LGI1: variants seen among roughly 807,000 people sequenced by gnomAD.
LGI1 encodes leucine-rich glioma-inactivated protein 1.
LGI1 carries 11 observed loss-of-function variants against 57.7 expected under a neutral mutation model. The ratio of observed to expected loss-of-function variants is 0.19; its 90% CI spans 0.12 to 0.32. The LOEUF (loss-of-function observed/expected upper bound fraction) is 0.32. Among genes scored for constraint, LGI1 ranks in the 10% least tolerant of loss-of-function variants. The pLI is 1.00. For missense variants in LGI1, 422 were observed against 661.9 expected (o/e 0.64, Z 3.98); for synonymous variants, 222 against 241.9 (o/e 0.92, Z 0.76).
chr10:93,766,323 A>G (rs543521334), intron 2 of LGI1, among the ~76,000 whole-genome samples: 1 of 152,292 alleles, frequency 6.6e-6, no homozygotes, highest in South Asian at 2.1e-4. Context: ...TATACATACA[A>G]ATAACTCTTG....
chr10:93,777,319 G>T (rs1287042187), intron 2 of LGI1, 60 bp from the exon 3 acceptor site: 2 of 1,471,196 alleles, frequency 1.4e-6, no homozygotes, highest in Non-Finnish European at 1.9e-6. Context: ...AGAGATAAAA[G>T]CAGCCAAGAT....
intron 5 of LGI1, chr10:93,792,457 G>T (rs537414219): frequency 5.4e-5 from 18 of 334,604 alleles, no homozygotes; most frequent in Middle Eastern, 8.4e-4. Context: ...TTACAATTAC[G>T]GTTCATATAC....
intron 5 of LGI1, chr10:93,790,833 T>C (rs2059931790): frequency 6.6e-6 from 1 of 152,456 alleles, no homozygotes; most frequent in Non-Finnish European, 1.5e-5. Flanking sequence ...GCAAGTAATA[T>C]ATGCCTAAAC....
chr10:93,761,980 A>G (rs562282219), intron 2 of LGI1, among the ~76,000 whole-genome samples: 1 of 152,354 alleles, frequency 6.6e-6, no homozygotes, highest in Non-Finnish European at 1.5e-5. Flanking sequence ...TCTCAACTAC[A>G]GACTGAAGTC....
chr10:93,797,459 G>A lies in LGI1; in HGVS notation c.1330G>A (p.Val444Met), dbSNP rs772468388. ...GAAGCACTTCTCAGTGAAAGGGGACGTGTACATTTGCTTGACAAGATTCAT... is the reference window on the plus strand; with the variant it reads ...GAAGCACTTCTCAGTGAAAGGGGACATGTACATTTGCTTGACAAGATTCAT... ...AVKHFSVKGD[V>M]YICLTRFIGD... The change falls in exon 8 of 8, where the codon GTG becomes ATG. Residue 444 changes from valine to methionine, a missense_variant. This residue lies in a region of LGI1 where 301 missense variants were observed against 461.7 expected (regional missense o/e 0.65). Coordinates refer to ENST00000371418, the MANE Select transcript of LGI1 (RefSeq NM_005097.4). The surrounding 1 kb of genome is among the most constrained non-coding windows in gnomAD (Gnocchi z 6.5). 11 of 1,614,090 alleles carry A rather than the reference G, an allele frequency of 6.8e-6. No individual in the cohort carries two copies. Among genetic ancestry groups the A allele is most frequent in the Middle Eastern group, 1.6e-4 (1 of 6,082 alleles).
rs1491174507 is a variant in LGI1, at chr10:93,794,363, T to TC, written c.838+1013_838+1014insC. ...AAACTTTTACTTATCTGGATCTCTC[T>TC]TTTTTTTTTTTTTTTTTTGAGATGG... On this transcript the variant is annotated intron_variant, in intron 7 of 7. Transcript: ENST00000371418. Among the ~76,000 whole-genome samples, 10 of 11,998 alleles carry TC rather than the reference T, an allele frequency of 8.3e-4. No individual in the cohort carries two copies. In the East Asian group the frequency reaches 0.029, roughly 35 times the overall value. 7.9% of individuals were successfully genotyped at this position (11,998 alleles called of 152,430 possible).
intron 5 of LGI1, 180 bp downstream of exon 5, chr10:93,790,350 T>C (rs1288011218): frequency 8.3e-6 from 5 of 601,948 alleles, no homozygotes; most frequent in African/African-American, 7.4e-5. Flanking sequence ...TCTTCTATGG[T>C]ATTTATCATT....
At chr10:93,782,439 C>T (rs1411927351) in intron 4 of LGI1, among the ~76,000 whole-genome samples, 1 of 152,216 alleles carries the variant, frequency 6.6e-6, no homozygotes, top group Non-Finnish European at 1.5e-5. Context: ...GTGCTTAGAA[C>T]AGGGCCTGGT....
At position 93,758,474 on chromosome 10, in the gene LGI1, G is replaced by C; in HGVS notation, c.215+115G>C. The C allele has an allele frequency of 9.1e-7, 1 of 1,099,990 alleles. No homozygotes were observed. The highest frequency in any genetic ancestry group is 1.4e-6 in the Non-Finnish European group (1 of 726,942). The allele number at this position is 1,099,990 out of a possible 1,614,324, so 68.1% of individuals were successfully genotyped here. A position where few individuals can be genotyped will look rare whatever the true frequency, so the allele number is the denominator to read the frequency against. Reference sequence around the variant, plus strand: ...ATGGAGAGAGAGATTCCTCTTGCATGCTTGGCCATTTGACAGTGCTAACAT... The same window carrying C: ...ATGGAGAGAGAGATTCCTCTTGCATCCTTGGCCATTTGACAGTGCTAACAT... On this transcript the variant is annotated intron_variant, in intron 1 of 7. Coordinates refer to ENST00000371418, the MANE Select transcript of LGI1 (RefSeq NM_005097.4). The surrounding 1 kb of genome is among the most constrained non-coding windows in gnomAD (Gnocchi z 4.7).
chr10:93,777,999 C>A (rs2059808772), intron 4 of LGI1, among the ~76,000 whole-genome samples: 1 of 152,024 alleles, frequency 6.6e-6, no homozygotes, highest in Admixed American at 6.6e-5. Flanking sequence ...CATAATATAG[C>A]CACAGGCGAT....
intron 7 of LGI1, among the ~76,000 whole-genome samples, chr10:93,795,587 A>G (rs1355279501): frequency 6.6e-6 from 1 of 152,194 alleles, no homozygotes; most frequent in African/African-American, 2.4e-5. Flanking sequence ...ACCATAGCAG[A>G]TGACAAATAT....
At position 93,792,795 on chromosome 10, in the gene LGI1, G is replaced by A; in HGVS notation, c.556G>A (p.Glu186Lys). 1 of 1,614,120 alleles carries A rather than the reference G, an allele frequency of 6.2e-7. No homozygotes were observed. Among genetic ancestry groups the A allele is most frequent in the Non-Finnish European group, 8.5e-7 (1 of 1,180,008 alleles). Residue 186 changes from glutamate to lysine, a missense_variant, in exon 6 of 8, where the codon GAA (glutamate) becomes AAA (lysine). Transcript: ENST00000371418. ...TGACTGTAAACTGAAATGGCTAGTGGAATGGCTTGGCCACACCAATGCAAC... is the reference window on the plus strand; with the variant it reads ...TGACTGTAAACTGAAATGGCTAGTGAAATGGCTTGGCCACACCAATGCAAC... ...NCDCKLKWLV[E>K]WLGHTNATVE...
chr10:93,777,071 T>G (rs2059801808), intron 2 of LGI1: 2 of 479,236 alleles, frequency 4.2e-6, no homozygotes, highest in Non-Finnish European at 7.6e-6. Context: ...CATGAAAATA[T>G]GTAAAATGTT....
At chr10:93,777,699 T>C in intron 4 of LGI1, 82 bp downstream of exon 4, 1 of 1,061,054 alleles carries the variant, frequency 9.4e-7, no homozygotes, top group Middle Eastern at 2.9e-4. Flanking sequence ...GCACCTACTT[T>C]ATGAGTGTCC....
chr10:93,796,667 T>G (rs541102310), intron 7 of LGI1, among the ~76,000 whole-genome samples: 1 of 152,360 alleles, frequency 6.6e-6, no homozygotes, highest in South Asian at 2.1e-4. Context: ...ACTAATGCTT[T>G]CTTTCTGCAA....
At chr10:93,794,017 T>TC (rs1172709004) in intron 7 of LGI1, 1 of 116,152 alleles carries the variant, frequency 8.6e-6, no homozygotes, top group African/African-American at 3.1e-5. Flanking sequence ...TTCTTTTTTT[T>TC]TCTTTTTTTT....
intron 2 of LGI1, chr10:93,771,900 G>A (rs113206990): frequency 0.023 from 3,494 of 151,874 alleles, 36 homozygotes; most frequent in East Asian, 0.087. Flanking sequence ...TCTTGAACCC[G>A]GGAGGCGGAG....
chr10:93,786,051 C>T (rs576950678), intron 4 of LGI1, among the ~76,000 whole-genome samples: 1 of 46,458 alleles, frequency 2.2e-5, no homozygotes, highest in African/African-American at 3.0e-5. Context: ...AGGCAACAGG[C>T]CCTCATCACA....
At chr10:93,783,960 C>T (rs1365410596) in intron 4 of LGI1, among the ~76,000 whole-genome samples, 3 of 152,060 alleles carry the variant, frequency 2.0e-5, no homozygotes, top group Admixed American at 1.3e-4. Context: ...TGCAGTGAGC[C>T]GAGATAGCGC....
Sources: gnomAD v4.1 joint callset for allele counts (sites outside exome capture counted in the v4.1 genomes callset) on GRCh38, gnomAD v4.1.1 for gene constraint, gnomAD v4.1.1 regional missense constraint, Gnocchi (gnomAD v3.1) non-coding constraint, MANE v1.5 for transcripts, NCBI Gene and HGNC (gene_info 2026-07-23, HGNC 2026-07-21) for gene names.